The following SLC16A3 variants were observed in gnomAD, a reference collection of about 807,000 sequenced individuals.
SLC16A3 encodes monocarboxylate transporter 4.
Under a neutral mutation model 25.0 loss-of-function variants are expected in SLC16A3, and 22 were observed. The ratio of observed to expected loss-of-function variants is 0.88; its 90% confidence interval spans 0.63 to 1.26. The LOEUF is 1.26. Ranked by LOEUF, SLC16A3 falls within the 50% of genes most tolerant of loss-of-function variation. The pLI is 0.00. For synonymous variants in SLC16A3, 390 were observed against 309.2 expected, an observed-to-expected ratio of 1.26 and a Z score of -2.74; for missense variants, 731 against 666.6, an observed-to-expected ratio of 1.10 and a Z score of -1.06.
intron 1 of SLC16A3, among the ~76,000 whole-genome samples, chr17:82,221,411 A>C (rs2147106282): frequency 6.6e-6 from 1 of 151,722 alleles, no homozygotes; most frequent in East Asian, 2.0e-4. Context: ...AACATACAAA[A>C]ACATTAGCTG....
At chr17:82,236,587 C>T (rs1251885318) in intron 2 of SLC16A3, 142 bp from the exon 3 acceptor site, 5 of 1,257,088 alleles carry the variant, frequency 4.0e-6, no homozygotes, top group African/African-American at 1.5e-5. Context: ...CTCGGGGAGC[C>T]TGCCCACGGG....
rs751034620 is a variant in SLC16A3, at chr17:82,236,655, G to C, written c.224-74G>C. 1.9e-6 allele frequency: 3 copies of C among 1,560,928 alleles called. No homozygotes were observed. In the Admixed American group the frequency reaches 5.1e-5, roughly 27 times the overall value. On this transcript the variant is annotated intron_variant, in intron 2 of 4. Transcript: ENST00000582743. ...TGTGGGAAGGGGAGGCCGGCTCCAG[G>C]CTGTGAGCTCAGTCGGCTGGCGGGG...
Position 82,239,497 on chromosome 17 carries a change from G to C in SLC16A3, c.*521G>C, listed in dbSNP as rs2050708396. The stretch of plus-strand genomic sequence containing the variant: ...TGTTAGGACCAACGGTTTCCTAGGA[G>C]TATGTGGTTTTGCTGTGTGGCCTGT... On this transcript the variant is annotated 3_prime_UTR_variant, in exon 5 of 5. Coordinates refer to ENST00000582743, the MANE Select transcript of SLC16A3 (RefSeq NM_004207.4). 5.9e-6 allele frequency: 1 copy of C among 170,386 alleles called. No individual in the cohort carries two copies. Among genetic ancestry groups the C allele is most frequent in the African/African-American group, 2.4e-5 (1 of 42,246 alleles). 10.6% of individuals were successfully genotyped at this position (170,386 alleles called of 1,614,324 possible). A position where few individuals can be genotyped will look rare whatever the true frequency, so the allele number is the denominator to read the frequency against.
intron 1 of SLC16A3, among the ~76,000 whole-genome samples, chr17:82,218,215 C>A (rs1310730135): frequency 7.1e-6 from 1 of 141,754 alleles, no homozygotes; most frequent in South Asian, 2.3e-4. Context: ...AGCCCAGCCT[C>A]AGTCACTGGG....
chr17:82,228,817 C>T (rs1353682887), upstream of SLC16A3, among the ~76,000 whole-genome samples: 1 of 151,778 alleles, frequency 6.6e-6, no homozygotes, highest in Non-Finnish European at 1.5e-5. Flanking sequence ...GGCGGGCCAG[C>T]TCCGGGCCGG....
In SLC16A3 at chr17:82,237,206, C is replaced by A. The variant is rs1456565618; in HGVS notation, c.436C>A (p.Pro146Thr). ...GAACCGCTACTTCAGCAAGCGGCGC[C>A]CCATGGCCAACGGGCTGGCGGCAGC... ...MLNRYFSKRR[P>T]MANGLAAAGS... is the part of the protein sequence containing the mutation. The change falls in exon 4 of 5, where the codon CCC becomes ACC. Residue 146 changes from proline (P) to threonine (T), a missense_variant. Physicochemically the swap from Pro to Thr is conservative, Grantham distance 38. Coordinates refer to ENST00000582743, the MANE Select transcript of SLC16A3 (RefSeq NM_004207.4). 6.5e-7 allele frequency: 1 copy of A among 1,539,414 alleles called. No homozygotes were observed. Among genetic ancestry groups the A allele is most frequent in the Admixed American group, 2.1e-5 (1 of 48,508 alleles).
chr17:82,236,353 G>T, intron 2 of SLC16A3, 122 bp downstream of exon 2: 1 of 919,280 alleles, frequency 1.1e-6, no homozygotes. Flanking sequence ...CTGGAGGGAA[G>T]CCCTTGGGGC....
In SLC16A3 at chr17:82,237,969, C is replaced by T. The variant is rs2050656064; in HGVS notation, c.1123+76C>T. On this transcript the variant is annotated intron_variant, in intron 4 of 4. Coordinates refer to ENST00000582743, the MANE Select transcript of SLC16A3 (RefSeq NM_004207.4). The stretch of plus-strand genomic sequence containing the variant: ...CGCCCGCTTTGCGAGGGGGGGGACG[C>T]GCACCCCTCGGCAGCCACCCGCAGT... 7.3e-6 allele frequency: 11 copies of T among 1,502,308 alleles called. No individual in the cohort carries two copies. The Admixed American group carries it at 7.4e-5, about 10-fold the overall frequency. 93.1% of individuals were successfully genotyped at this position (1,502,308 alleles called of 1,614,324 possible). A position where few individuals can be genotyped will look rare whatever the true frequency, so the allele number is the denominator to read the frequency against.
Position 82,239,968 on chromosome 17 carries a change from C to A in SLC16A3, c.*992C>A. 8.1e-7 allele frequency: 1 copy of A among 1,232,908 alleles called. No homozygotes were observed. The highest frequency in any genetic ancestry group is 1.0e-6 in the Non-Finnish European group (1 of 987,146). 76.4% of individuals were successfully genotyped at this position (1,232,908 alleles called of 1,614,324 possible). A position where few individuals can be genotyped will look rare whatever the true frequency, so the allele number is the denominator to read the frequency against. On this transcript the variant is annotated 3_prime_UTR_variant, in exon 5 of 5. Coordinates refer to ENST00000582743, the MANE Select transcript of SLC16A3 (RefSeq NM_004207.4). ...GGCTGGGAGCCCGGTCAGAGGCCGC[C>A]GGGGCCCTCAGTAGGTGCGTCGTGG...
At chr17:82,219,379 C>T (rs182328223) in intron 1 of SLC16A3, among the ~76,000 whole-genome samples, 429 of 152,126 alleles carry the variant, frequency 2.8e-3, no homozygotes, top group Non-Finnish European at 4.1e-3. Flanking sequence ...CTAGTCTGTG[C>T]GGTGAGGGTG....
At chr17:82,226,344 A>G (rs770423370), upstream of SLC16A3, among the ~76,000 whole-genome samples, 1 of 151,972 alleles carries the variant, frequency 6.6e-6, no homozygotes, top group Non-Finnish European at 1.5e-5. Context: ...CTGGGGTCTG[A>G]CCCAGGGCCA....
Position 82,237,371 on chromosome 17 carries a change from G to A in SLC16A3, c.601G>A (p.Val201Met), listed in dbSNP as rs372377440. The A allele has an allele frequency of 5.8e-6, 9 of 1,542,124 alleles. No individual in the cohort carries two copies. The African/African-American group carries it at 1.2e-4, about 21-fold the overall frequency. ...GTGTGCCGCACTCATGAGGCCCCTG[G>A]TGGTCACGGCCCAGCCGGGCTCGGG... ...CVCAALMRPL[V>M]VTAQPGSGPP... is the part of the protein sequence containing the mutation. The change falls in exon 4 of 5, where the codon GTG (valine) becomes ATG (methionine). Residue 201 changes from valine (V) to methionine (M), a missense_variant. Val to Met is a conservative substitution (Grantham distance 21). Coordinates refer to ENST00000582743, the MANE Select transcript of SLC16A3 (RefSeq NM_004207.4).
Position 82,237,469 on chromosome 17 carries a change from G to A in SLC16A3, c.699G>A (p.Val233=), listed in dbSNP as rs377138925. The change falls in exon 4 of 5, where the codon GTG becomes GTA. Residue 233 remains valine, a synonymous_variant. Transcript: ENST00000582743. ...ACCGCGGCTTTGTGCTTTACGCCGT[G>A]GCCGCCTCGGTCATGGTGCTGGGGC... ...FRDRGFVLYA[V]AASVMVLGLF... The A allele has an allele frequency of 1.6e-4, 253 of 1,608,320 alleles. No homozygotes were observed. Among genetic ancestry groups the A allele is most frequent in the Non-Finnish European group, 2.1e-4 (246 of 1,179,130 alleles).
chr17:82,219,684 G>A (rs1026779145), intron 1 of SLC16A3, among the ~76,000 whole-genome samples: 1 of 152,154 alleles, frequency 6.6e-6, no homozygotes, highest in East Asian at 1.9e-4. Context: ...CGGACTTGGG[G>A]AGGAGCAGCC....
intron 1 of SLC16A3, among the ~76,000 whole-genome samples, chr17:82,233,182 G>T (rs2147120942): frequency 6.6e-6 from 1 of 152,322 alleles, no homozygotes; most frequent in African/African-American, 2.4e-5. Context: ...CAGACAGCTG[G>T]CTCCAAGTCA....
chr17:82,222,504 C>T (rs1026471723), intron 1 of SLC16A3, among the ~76,000 whole-genome samples: 17 of 152,098 alleles, frequency 1.1e-4, no homozygotes, highest in African/African-American at 3.6e-4. Context: ...ATCATTCAGC[C>T]GTAAAAAGGT....
In SLC16A3 at chr17:82,237,556, G is replaced by GGCCGCCTTCCC; in HGVS notation, c.796_797insCGCCGCCTTCC (p.Leu266ProfsTer100). 1.9e-6 allele frequency: 3 copies of GGCCGCCTTCCC among 1,611,264 alleles called. No individual in the cohort carries two copies. The highest frequency in any genetic ancestry group is 2.5e-6 in the Non-Finnish European group (3 of 1,178,794). ...AGGACCTGGGCGTGCCCGACACCAAGGCCGCCTTCCTGCTCACCATCCTGG... is the reference window on the plus strand; with the variant it reads ...AGGACCTGGGCGTGCCCGACACCAAGGCCGCCTTCCCGCCGCCTTCCTGCTCACCATCCTGG... On this transcript the variant is annotated frameshift_variant, in exon 4 of 5. Transcript: ENST00000582743. LOFTEE classifies it high-confidence loss of function.
intron 1 of SLC16A3, chr17:82,232,198 A>G (rs1241653952): frequency 1.3e-5 from 2 of 152,286 alleles, no homozygotes; most frequent in African/African-American, 4.8e-5. Context: ...CTGGGCCACA[A>G]AGGCAGGGCC....
intron 1 of SLC16A3, among the ~76,000 whole-genome samples, chr17:82,221,211 TG>T (rs2050387284): frequency 1.3e-5 from 2 of 152,098 alleles, no homozygotes; most frequent in South Asian, 4.1e-4. Context: ...GCCCACAGAA[TG>T]GGGGAAAATA....
Sources: allele counts gnomAD v4.1 joint callset (sites outside exome capture counted in the v4.1 genomes callset), GRCh38; gene constraint gnomAD v4.1.1; transcripts MANE v1.5; gene names NCBI Gene and HGNC (gene_info 2026-07-23, HGNC 2026-07-21).